Variants in TAFA4 observed in about 807,000 individuals in gnomAD.
TAFA4 encodes TAFA chemokine like family member 4, also known as chemokine-like protein TAFA-4.
TAFA4 carries 20 observed loss-of-function variants against 21.1 expected under a neutral mutation model. The ratio of observed to expected loss-of-function variants is 0.95; its 90% CI spans 0.67 to 1.38. The LOEUF is 1.38. TAFA4 is among the 40% of genes most tolerant of loss of function. The pLI is 0.00. For synonymous variants in TAFA4, 71 were observed against 67.4 expected (o/e 1.05, Z -0.26); for missense variants, 211 against 180.9 (o/e 1.17, Z -0.95).
At chr3:68,795,950 G>A (rs1455392815) in intron 3 of TAFA4, among the ~76,000 whole-genome samples, 11 of 152,108 alleles carry the variant, frequency 7.2e-5, no homozygotes, top group Admixed American at 6.5e-4. Context: ...CGTGATTCTT[G>A]CACACTTGTA....
At chr3:68,871,902 CAG>C (rs2089486999) in intron 3 of TAFA4, among the ~76,000 whole-genome samples, 1 of 152,050 alleles carries the variant, frequency 6.6e-6, no homozygotes, top group Admixed American at 6.6e-5. Flanking sequence ...CAAAAAATAA[CAG>C]ATGCTGGCAA....
chr3:68,891,367 C>T (rs1186145053), intron 1 of TAFA4, among the ~76,000 whole-genome samples: 3 of 152,180 alleles, frequency 2.0e-5, no homozygotes, highest in Admixed American at 6.5e-5. Flanking sequence ...TGCCCTTTCC[C>T]GCCTGCCCAC....
chr3:68,829,350 T>C (rs115482659), intron 3 of TAFA4, among the ~76,000 whole-genome samples: 1 of 152,170 alleles, frequency 6.6e-6, no homozygotes, highest in African/African-American at 2.4e-5. Context: ...CTTATCATTT[T>C]GAGATACGTT....
chr3:68,886,752 G>T (rs1332021602), intron 1 of TAFA4, among the ~76,000 whole-genome samples: 2 of 152,176 alleles, frequency 1.3e-5, no homozygotes, highest in Non-Finnish European at 2.9e-5. Flanking sequence ...TTACTTGAAA[G>T]AATTAACTCT....
At chr3:68,762,362 T>A (rs143191940) in intron 3 of TAFA4, among the ~76,000 whole-genome samples, 1 of 152,256 alleles carries the variant, frequency 6.6e-6, no homozygotes, top group East Asian at 1.9e-4. Context: ...ACCAATAGGA[T>A]AGACAGATGT....
rs13061508 is a variant in TAFA4, at chr3:68,745,562, G to A, written c.287-6363C>T. On this transcript the variant is annotated intron_variant, in intron 4 of 5. Coordinates refer to ENST00000295569, the MANE Select transcript of TAFA4 (RefSeq NM_182522.5). ...TAAAAAGACAGTGACGCCCTCCCTG[G>A]TTTTGTGGTAGCAACTGCTATATTC... Among the ~76,000 whole-genome samples, 449 of 152,268 alleles carry A rather than the reference G, an allele frequency of 2.9e-3. 1 individual carries two copies. Among genetic ancestry groups the A allele is most frequent in the Non-Finnish European group, 5.1e-3 (350 of 68,022 alleles).
intron 1 of TAFA4, among the ~76,000 whole-genome samples, chr3:68,901,219 T>G (rs1559558030): frequency 6.6e-6 from 1 of 151,984 alleles, no homozygotes; most frequent in South Asian, 2.1e-4. Flanking sequence ...ATGATCCAGG[T>G]CCCTGAAGGT....
chr3:68,820,634 C>G lies in TAFA4; in HGVS notation c.130+60096G>C, dbSNP rs183009982. Among the ~76,000 whole-genome samples, 1,238 of 152,180 alleles carry G rather than the reference C, an allele frequency of 8.1e-3. 15 individuals carry two copies. Among genetic ancestry groups the G allele is most frequent in the Middle Eastern group, 0.02 (6 of 294 alleles). Reference sequence around the variant, plus strand: ...TGAGCCATGATAGCACCACTGTACTCCAAGCTGGGCAGCAGAACAAGACCC... The same window carrying G: ...TGAGCCATGATAGCACCACTGTACTGCAAGCTGGGCAGCAGAACAAGACCC... On this transcript the variant is annotated intron_variant, in intron 3 of 5. Transcript: ENST00000295569.
chr3:68,931,663 T>G (rs775737266), intron 1 of TAFA4, among the ~76,000 whole-genome samples: 2 of 151,530 alleles, frequency 1.3e-5, no homozygotes, highest in Non-Finnish European at 2.9e-5. Context: ...CCAGACCCGC[T>G]CCAGTTCTCC....
chr3:68,910,348 C>G (rs1243910482), intron 1 of TAFA4, among the ~76,000 whole-genome samples: 2 of 152,130 alleles, frequency 1.3e-5, no homozygotes. Flanking sequence ...TCCAGCTTCT[C>G]ATCTATAAAA....
chr3:68,923,956 G>A (rs920175665), intron 1 of TAFA4, among the ~76,000 whole-genome samples: 1 of 152,098 alleles, frequency 6.6e-6, no homozygotes, highest in African/African-American at 2.4e-5. Context: ...TGCAAAGAAG[G>A]GTGATGATTG....
At chr3:68,814,999 A>T (rs115018018) in intron 3 of TAFA4, among the ~76,000 whole-genome samples, 2,197 of 152,290 alleles carry the variant, frequency 0.014, 50 homozygotes, top group African/African-American at 0.05. Context: ...GAGGCCTCAA[A>T]AATAATGCCA....
chr3:68,746,693 A>G (rs571100170), intron 4 of TAFA4, among the ~76,000 whole-genome samples: 5 of 152,298 alleles, frequency 3.3e-5, no homozygotes, highest in Admixed American at 1.3e-4. Flanking sequence ...TTGTTCACAC[A>G]TTCTGCAAGT....
rs566706372 is a variant in TAFA4, at chr3:68,841,130, C to T, written c.130+39600G>A. Among the ~76,000 whole-genome samples the T allele has an allele frequency of 4.1e-5, 3 of 74,000 alleles. 1 individual carries two copies. Among genetic ancestry groups the T allele is most frequent in the South Asian group, 8.7e-4 (2 of 2,310 alleles). 48.5% of individuals were successfully genotyped at this position (74,000 alleles called of 152,430 possible). A position where few individuals can be genotyped will look rare whatever the true frequency, so the allele number is the denominator to read the frequency against. On this transcript the variant is annotated intron_variant, in intron 3 of 5. Coordinates refer to ENST00000295569, the MANE Select transcript of TAFA4 (RefSeq NM_182522.5). ...CGAGGTCAGGAGATCGAGACCATCC[C>T]GGCTAAAACGGTGAAACCCCGTCTC... is the stretch of plus-strand genomic sequence containing the variant.
intron 3 of TAFA4, among the ~76,000 whole-genome samples, chr3:68,776,948 T>C (rs1175570040): frequency 6.6e-6 from 1 of 152,088 alleles, no homozygotes; most frequent in African/African-American, 2.4e-5. Context: ...TTGGTGTGTA[T>C]GATAATTTTT....
At chr3:68,925,359 G>T (rs919188934) in intron 1 of TAFA4, among the ~76,000 whole-genome samples, 9 of 152,214 alleles carry the variant, frequency 5.9e-5, no homozygotes, top group Admixed American at 1.3e-4. Context: ...GCTCCTACTG[G>T]AAGAGCTGCC....
At chr3:68,762,319 T>C (rs1031473397) in intron 3 of TAFA4, among the ~76,000 whole-genome samples, 3 of 151,986 alleles carry the variant, frequency 2.0e-5, no homozygotes, top group African/African-American at 2.4e-5. Context: ...TGAGAAATGG[T>C]GTTATCAAGG....
chr3:68,887,606 A>G (rs1436557798), intron 1 of TAFA4, among the ~76,000 whole-genome samples: 1 of 151,814 alleles, frequency 6.6e-6, no homozygotes, highest in Non-Finnish European at 1.5e-5. Context: ...AGGCTCATGC[A>G]CTCTGAACTT....
intron 1 of TAFA4, among the ~76,000 whole-genome samples, chr3:68,932,023 G>A (rs966654068): frequency 6.6e-6 from 1 of 152,028 alleles, no homozygotes; most frequent in Non-Finnish European, 1.5e-5. Context: ...CCTTACTTCG[G>A]AGTGCCCCTT....
Sources: allele counts gnomAD v4.1 joint callset (sites outside exome capture counted in the v4.1 genomes callset), GRCh38; gene constraint gnomAD v4.1.1; transcripts MANE v1.5; gene names NCBI Gene and HGNC (gene_info 2026-07-23, HGNC 2026-07-21).